Variants in MTMR14 observed in about 807,000 individuals in gnomAD.
MTMR14 encodes phosphatidylinositol-3,5-bisphosphate 3-phosphatase MTMR14.
Under a neutral mutation model 86.3 loss-of-function variants are expected in MTMR14, and 48 were observed. The ratio of observed to expected loss-of-function variants is 0.56; its 90% confidence interval spans 0.44 to 0.71. MTMR14 has a LOEUF of 0.71. MTMR14 is among the 30% of genes least tolerant of loss of function. The probability of loss-of-function intolerance (pLI) is 0.00; values close to 1 mark genes in which losing one functional copy is unlikely to be tolerated. For missense variants in MTMR14, 780 were observed against 834.6 expected, an observed-to-expected ratio of 0.93 and a Z score of 0.81; for synonymous variants, 366 against 326.1, an observed-to-expected ratio of 1.12 and a Z score of -1.32.
intron 2 of MTMR14, among the ~76,000 whole-genome samples, chr3:9,654,273 A>C (rs2047471772): frequency 6.6e-6 from 1 of 152,080 alleles, no homozygotes; most frequent in South Asian, 2.1e-4. Context: ...GTAATTCTCT[A>C]CCTCATGTTA....
intron 2 of MTMR14, among the ~76,000 whole-genome samples, chr3:9,661,686 T>C (rs181175589): frequency 1.3e-5 from 2 of 152,344 alleles, no homozygotes; most frequent in East Asian, 3.9e-4. Flanking sequence ...GTTTTCTGTG[T>C]ATATTTCTGA....
chr3:9,696,164 TTC>T (rs1274207052), intron 17 of MTMR14, among the ~76,000 whole-genome samples: 1 of 152,150 alleles, frequency 6.6e-6, no homozygotes, highest in East Asian at 1.9e-4. Context: ...CCCAAGGTGG[TTC>T]TGTTTCAGGA....
intron 17 of MTMR14, among the ~76,000 whole-genome samples, chr3:9,697,452 T>TA (rs1405387267): frequency 6.6e-6 from 1 of 152,218 alleles, no homozygotes; most frequent in Non-Finnish European, 1.5e-5. Flanking sequence ...GATTCACTCT[T>TA]ACTGCCATGC....
intron 15 of MTMR14, 72 bp downstream of exon 15, chr3:9,688,826 T>A (rs972323401): frequency 4.7e-5 from 76 of 1,610,712 alleles, no homozygotes; most frequent in Non-Finnish European, 6.5e-5. Flanking sequence ...CAGGAACTGT[T>A]TGTGCTAAGA....
chr3:9,685,933 C>T (rs1309567395), intron 13 of MTMR14, among the ~76,000 whole-genome samples: 5 of 152,164 alleles, frequency 3.3e-5, no homozygotes, highest in Admixed American at 2.6e-4. Context: ...GTCTGCTTCA[C>T]CTTGAGTCTC....
At chr3:9,688,923 G>T in intron 15 of MTMR14, 21 bp from the exon 16 acceptor site, 1 of 1,613,916 alleles carries the variant, frequency 6.2e-7, no homozygotes, top group Non-Finnish European at 8.5e-7. Context: ...CACGCTGACT[G>T]ATGGCACTGG....
intron 9 of MTMR14, among the ~76,000 whole-genome samples, chr3:9,680,652 T>A (rs1018439016): frequency 3.3e-5 from 5 of 152,164 alleles, no homozygotes; most frequent in Non-Finnish European, 5.9e-5. Context: ...GAGACCATCG[T>A]GGCTAACACA....
intron 2 of MTMR14, among the ~76,000 whole-genome samples, chr3:9,661,454 C>G (rs1419574589): frequency 1.3e-5 from 2 of 152,166 alleles, no homozygotes; most frequent in African/African-American, 4.8e-5. Flanking sequence ...TGCTCACTTG[C>G]CTGCTGCTCA....
chr3:9,657,056 G>A (rs1349957979), intron 2 of MTMR14, among the ~76,000 whole-genome samples: 1 of 152,058 alleles, frequency 6.6e-6, no homozygotes, highest in Non-Finnish European at 1.5e-5. Context: ...GGGAATATGG[G>A]CACATACCAC....
At chr3:9,678,180 G>A in intron 9 of MTMR14, 122 bp downstream of exon 9, 1 of 878,882 alleles carries the variant, frequency 1.1e-6, no homozygotes, top group Non-Finnish European at 1.8e-6. Flanking sequence ...GCACTCAGAT[G>A]CCTTTGGCCC....
intron 9 of MTMR14, among the ~76,000 whole-genome samples, chr3:9,680,710 G>A (rs945846424): frequency 4.6e-5 from 7 of 152,318 alleles, no homozygotes; most frequent in South Asian, 4.1e-4. Flanking sequence ...GGTGGCGGGC[G>A]CCTGTAGTGC....
At chr3:9,688,525 C>T (rs2076035021) in intron 14 of MTMR14, among the ~76,000 whole-genome samples, 171 bp from the exon 15 acceptor site, 1 of 152,186 alleles carries the variant, frequency 6.6e-6, no homozygotes, top group Non-Finnish European at 1.5e-5. Flanking sequence ...AGCCTTGCAG[C>T]GTGGGTCCCA....
intron 2 of MTMR14, 53 bp from the exon 3 acceptor site, chr3:9,662,214 C>G (rs2047981199): frequency 2.9e-6 from 4 of 1,385,584 alleles, no homozygotes; most frequent in Non-Finnish European, 3.1e-6. Context: ...CACATATACA[C>G]AAAGTGCCCA....
At chr3:9,651,675 T>A (rs1381004159) in intron 1 of MTMR14, among the ~76,000 whole-genome samples, 1 of 151,216 alleles carries the variant, frequency 6.6e-6, no homozygotes, top group African/African-American at 2.4e-5. Context: ...TCTTGCAAAC[T>A]TTTTTTTTCA....
At chr3:9,663,500 TC>T in intron 3 of MTMR14, among the ~76,000 whole-genome samples, 1 of 132,074 alleles carries the variant, frequency 7.6e-6, no homozygotes. Context: ...GGAGTCTCTC[TC>T]TTTTTTTTTT....
At chr3:9,686,507 C>T (rs951476875) in intron 13 of MTMR14, among the ~76,000 whole-genome samples, 2 of 152,210 alleles carry the variant, frequency 1.3e-5, no homozygotes, top group Non-Finnish European at 2.9e-5. Context: ...ACAATCCAGA[C>T]ACTGATGCGT....
chr3:9,694,498 T>TA (rs1469072020), intron 17 of MTMR14, among the ~76,000 whole-genome samples: 1 of 151,072 alleles, frequency 6.6e-6, no homozygotes, highest in African/African-American at 2.5e-5. Context: ...ATTAGATAGA[T>TA]AGATTGGATG....
intron 17 of MTMR14, among the ~76,000 whole-genome samples, chr3:9,695,427 G>A (rs2076254486): frequency 6.6e-6 from 1 of 152,202 alleles, no homozygotes; most frequent in South Asian, 2.1e-4. Flanking sequence ...CTTGCTGAGA[G>A]ATGCTTCTGT....
chr3:9,690,219 G>A, intron 17 of MTMR14, 76 bp downstream of exon 17: 1 of 1,512,352 alleles, frequency 6.6e-7, no homozygotes. Flanking sequence ...TCGGGGGCCA[G>A]CACCTGAGCT....
Sources: allele counts gnomAD v4.1 joint callset (sites outside exome capture counted in the v4.1 genomes callset), GRCh38; gene constraint gnomAD v4.1.1; transcripts MANE v1.5; gene names NCBI Gene and HGNC (gene_info 2026-07-23, HGNC 2026-07-21).